ASIC2: variants seen among roughly 807,000 people sequenced by gnomAD.
ASIC2 encodes acid-sensing ion channel 2.
In ASIC2, 25 loss-of-function variants were observed where a neutral mutation model predicts 57.3. The observed-to-expected ratio is 0.44, with a 90% CI of 0.32 to 0.61. The LOEUF is 0.61. Among genes scored for constraint, ASIC2 ranks in the 20% least tolerant of loss-of-function variants. The pLI is 0.06. For synonymous variants in ASIC2, 319 were observed against 307.5 expected (o/e 1.04, Z -0.39); for missense variants, 641 against 738.1 (o/e 0.87, Z 1.52).
At chr17:33,716,670 T>A (rs1443381683) in intron 1 of ASIC2, among the ~76,000 whole-genome samples, 1 of 152,218 alleles carries the variant, frequency 6.6e-6, no homozygotes, top group East Asian at 1.9e-4. Flanking sequence ...GTTCTCTATA[T>A]GTCTGTTTGA....
intron 1 of ASIC2, among the ~76,000 whole-genome samples, chr17:33,887,929 T>C (rs528291574): frequency 1.3e-5 from 2 of 152,246 alleles, no homozygotes; most frequent in African/African-American, 4.8e-5. Flanking sequence ...CCTCATTGAG[T>C]TCCTCAGGGA....
intron 1 of ASIC2, among the ~76,000 whole-genome samples, chr17:33,783,786 T>G (rs1188505947): frequency 6.6e-6 from 1 of 152,256 alleles, no homozygotes; most frequent in East Asian, 1.9e-4. Flanking sequence ...CCAGTTGTAA[T>G]TTTTGGCAAA....
chr17:34,028,566 A>T (rs960929496), intron 1 of ASIC2, among the ~76,000 whole-genome samples: 5 of 152,192 alleles, frequency 3.3e-5, no homozygotes, highest in African/African-American at 1.2e-4. Flanking sequence ...TAATGCATGG[A>T]TGCTATCTCA....
At chr17:33,042,716 A>G (rs73275814) in intron 3 of ASIC2, among the ~76,000 whole-genome samples, 1,606 of 152,210 alleles carry the variant, frequency 0.011, 37 homozygotes, top group African/African-American at 0.037. Context: ...TTTTGCAACC[A>G]CCTGAGACTG....
At chr17:33,710,241 C>A (rs1908985383) in intron 1 of ASIC2, among the ~76,000 whole-genome samples, 1 of 152,226 alleles carries the variant, frequency 6.6e-6, no homozygotes, top group South Asian at 2.1e-4. Flanking sequence ...ATTCCCACCA[C>A]AGGTAAAGAA....
intron 1 of ASIC2, among the ~76,000 whole-genome samples, chr17:34,043,874 T>A (rs1908229489): frequency 6.6e-6 from 1 of 152,068 alleles, no homozygotes; most frequent in African/African-American, 2.4e-5. Context: ...AGAGTGCAAT[T>A]CCCTGCCTTC....
chr17:33,709,159 C>T (rs553198045), intron 1 of ASIC2, among the ~76,000 whole-genome samples: 11 of 152,256 alleles, frequency 7.2e-5, no homozygotes, highest in East Asian at 1.9e-4. Context: ...TCTGTAACGC[C>T]GTAATCTTTC....
chr17:33,073,214 G>A (rs1239305709), intron 3 of ASIC2, among the ~76,000 whole-genome samples: 1 of 152,108 alleles, frequency 6.6e-6, no homozygotes, highest in Non-Finnish European at 1.5e-5. Context: ...TAAAAGCTTG[G>A]AAAATAAAAA....
chr17:33,774,572 G>A (rs138990838), intron 1 of ASIC2, among the ~76,000 whole-genome samples: 102 of 152,322 alleles, frequency 6.7e-4, no homozygotes, highest in Middle Eastern at 3.4e-3. Flanking sequence ...GGGGAAAGGA[G>A]CATATCTGCA....
intron 1 of ASIC2, among the ~76,000 whole-genome samples, chr17:33,194,078 G>A (rs181532126): frequency 1.3e-3 from 193 of 152,258 alleles, no homozygotes; most frequent in African/African-American, 4.5e-3. Context: ...CCAGCCTCCA[G>A]GGACCATCCA....
chr17:33,503,298 T>C (rs1488047713), intron 1 of ASIC2, among the ~76,000 whole-genome samples: 1 of 152,172 alleles, frequency 6.6e-6, no homozygotes, highest in Non-Finnish European at 1.5e-5. Context: ...TTTCTCTATT[T>C]AATACCTGTC....
chr17:33,836,116 CTTT>C (rs747425378), intron 1 of ASIC2, among the ~76,000 whole-genome samples: 1 of 116,376 alleles, frequency 8.6e-6, no homozygotes, highest in Non-Finnish European at 1.7e-5. Context: ...CCTCATACAG[CTTT>C]TTTTTTTTTT....
chr17:33,248,633 G>T (rs1908773789), intron 1 of ASIC2, among the ~76,000 whole-genome samples: 1 of 152,192 alleles, frequency 6.6e-6, no homozygotes, highest in African/African-American at 2.4e-5. Context: ...CCCTCTGGAG[G>T]CTCCAAAGGA....
chr17:33,875,569 A>C (rs996237576), intron 1 of ASIC2, among the ~76,000 whole-genome samples: 1 of 152,112 alleles, frequency 6.6e-6, no homozygotes, highest in African/African-American at 2.4e-5. Flanking sequence ...TCAGTCCCCA[A>C]AGCCCCATTT....
intron 1 of ASIC2, among the ~76,000 whole-genome samples, chr17:33,751,369 T>G (rs1485947790): frequency 6.7e-6 from 1 of 150,190 alleles, no homozygotes; most frequent in Non-Finnish European, 1.5e-5. Context: ...AGTATTTTGG[T>G]TTCTTTTTAA....
At chr17:33,989,997 G>T (rs1905951803) in intron 1 of ASIC2, among the ~76,000 whole-genome samples, 1 of 152,200 alleles carries the variant, frequency 6.6e-6, no homozygotes, top group Non-Finnish European at 1.5e-5. Context: ...TAATTAGCAT[G>T]CAGGAGTGAA....
chr17:33,958,711 A>T (rs371968950), intron 1 of ASIC2, among the ~76,000 whole-genome samples: 1 of 152,062 alleles, frequency 6.6e-6, no homozygotes, highest in East Asian at 1.9e-4. Flanking sequence ...GGCTGCCACA[A>T]ACGTCTCTGA....
chr17:33,306,544 C>A (rs1201973305), intron 1 of ASIC2, among the ~76,000 whole-genome samples: 2 of 152,114 alleles, frequency 1.3e-5, no homozygotes, highest in Non-Finnish European at 2.9e-5. Context: ...CTCAACTAAG[C>A]CCTCACTTCT....
intron 1 of ASIC2, among the ~76,000 whole-genome samples, chr17:33,643,464 C>G (rs11652874): frequency 0.046 from 6,974 of 152,212 alleles, 186 homozygotes; most frequent in South Asian, 0.12. Flanking sequence ...TTGTTATTTT[C>G]AACATATAGT....
Sources: allele counts gnomAD v4.1 joint callset (sites outside exome capture counted in the v4.1 genomes callset), GRCh38; gene constraint gnomAD v4.1.1; transcripts MANE v1.5; gene names NCBI Gene and HGNC (gene_info 2026-07-23, HGNC 2026-07-21).